The following LPL variants were observed in gnomAD, a reference collection of about 807,000 sequenced individuals.
LPL encodes phospholipase A1.
In LPL, 43 loss-of-function variants were observed where a neutral mutation model predicts 52.2. The ratio of observed to expected loss-of-function variants is 0.82; its 90% CI spans 0.64 to 1.06. The LOEUF is 1.06. LPL is among the 50% of genes least tolerant of loss of function. The pLI is 0.00. For missense variants in LPL, 639 were observed against 585.3 expected, an observed-to-expected ratio of 1.09 and a Z score of -0.95; for synonymous variants, 244 against 215.6, an observed-to-expected ratio of 1.13 and a Z score of -1.15.
rs924246683 is a variant in LPL at position 19,965,640 on chromosome 8, T to C, written c.*330T>C. The C allele has an allele frequency of 3.3e-6, 1 of 306,352 alleles. No individual in the cohort carries two copies. The highest frequency in any genetic ancestry group is 9.6e-4 in the Middle Eastern group (1 of 1,042). 19.0% of individuals were successfully genotyped at this position (306,352 alleles called of 1,614,324 possible). A position where few individuals can be genotyped will look rare whatever the true frequency, so the allele number is the denominator to read the frequency against. ...AAATAAGGCTCCTTCATGTGGCGTA[T>C]TGGGCCATAGCCTATAATTGGTTAG... On this transcript the variant is annotated 3_prime_UTR_variant, in exon 10 of 10. Transcript: ENST00000650287.
intron 6 of LPL, 125 bp downstream of exon 6, chr8:19,956,208 C>T: frequency 7.3e-7 from 1 of 1,376,752 alleles, no homozygotes; most frequent in South Asian, 1.2e-5. Context: ...AACCCTGAGC[C>T]CTGGTGTTTC....
chr8:19,940,393 G>T (rs1276226009), intron 1 of LPL, among the ~76,000 whole-genome samples: 1 of 152,180 alleles, frequency 6.6e-6, no homozygotes, highest in Non-Finnish European at 1.5e-5. Flanking sequence ...CCCGCCGCGC[G>T]GCTGCGAGCA....
chr8:19,953,298 T>C lies in LPL; in HGVS notation c.430-12T>C. On this transcript the variant is annotated splice_polypyrimidine_tract_variant and intron_variant, in intron 3 of 9. Coordinates refer to ENST00000650287, the MANE Select transcript of LPL (RefSeq NM_000237.3). ...GAACTGTAAGCACCTTCATTTTCTTTTTCTTCCAAAGGAGGAGTTTAACTA... is the reference window on the plus strand; with the variant it reads ...GAACTGTAAGCACCTTCATTTTCTTCTTCTTCCAAAGGAGGAGTTTAACTA... 4 of 1,550,412 alleles carry C rather than the reference T, an allele frequency of 2.6e-6. No individual in the cohort carries two copies. In the African/African-American group the frequency reaches 4.1e-5, roughly 16 times the overall value.
At chr8:19,945,475 C>A (rs781209047) in intron 1 of LPL, among the ~76,000 whole-genome samples, 1 of 152,204 alleles carries the variant, frequency 6.6e-6, no homozygotes, top group Non-Finnish European at 1.5e-5. Flanking sequence ...AAATCATTTT[C>A]TTTAAAAGTG....
rs758966315 is a variant in LPL, at chr8:19,959,380, T to G, written c.1139T>G (p.Leu380Arg). The change falls in exon 7 of 10, where the codon CTG becomes CGG. Residue 380 changes from leucine (L) to arginine (R), a missense_variant and splice_region_variant. Transcript: ENST00000650287. Reference protein sequence around the residue: ...VAESENIPFTLPEVSTNKTYS... With the variant: ...VAESENIPFTRPEVSTNKTYS... Reference sequence around the variant, plus strand: ...GAGAGTGAGAACATCCCATTCACTCTGTGAGTAGCACAGGGGGGCGGTCAT... The same window carrying G: ...GAGAGTGAGAACATCCCATTCACTCGGTGAGTAGCACAGGGGGGCGGTCAT... 1 of 1,613,992 alleles carries G rather than the reference T, an allele frequency of 6.2e-7. No individual in the cohort carries two copies. The highest frequency in any genetic ancestry group is 8.5e-7 in the Non-Finnish European group (1 of 1,180,004).
At chr8:19,941,331 C>A (rs2069837190) in intron 1 of LPL, among the ~76,000 whole-genome samples, 1 of 152,166 alleles carries the variant, frequency 6.6e-6, no homozygotes, top group Non-Finnish European at 1.5e-5. Context: ...CATAGAATAA[C>A]GTCATTTTCA....
At chr8:19,954,664 T>C (rs1043266628) in intron 5 of LPL, among the ~76,000 whole-genome samples, 4 of 152,310 alleles carry the variant, frequency 2.6e-5, no homozygotes, top group African/African-American at 7.2e-5. Context: ...TCTGGCCACA[T>C]GTTGTCATAC....
In LPL at chr8:19,943,381, T is replaced by C. The variant is rs905762048; in HGVS notation, c.88+3853T>C. On this transcript the variant is annotated intron_variant, in intron 1 of 9. Coordinates refer to ENST00000650287, the MANE Select transcript of LPL (RefSeq NM_000237.3). ...TCAATAATGTACCTTTGAAAAAAAA[T>C]TGGCTGCAGAATTAATTACGGTGAA... Among the ~76,000 whole-genome samples, 8 of 152,048 alleles carry C rather than the reference T, an allele frequency of 5.3e-5. No homozygotes were observed. In the East Asian group the frequency reaches 1.5e-3, roughly 29 times the overall value.
At chr8:19,957,940 T>A (rs1051778077) in intron 6 of LPL, among the ~76,000 whole-genome samples, 1 of 151,794 alleles carries the variant, frequency 6.6e-6, no homozygotes, top group African/African-American at 2.4e-5. Context: ...AAGAAAAAAA[T>A]CTGACCAAGG....
chr8:19,953,475 T>G, intron 4 of LPL, 54 bp downstream of exon 4: 1 of 1,360,014 alleles, frequency 7.4e-7, no homozygotes, highest in Non-Finnish European at 1.1e-6. Flanking sequence ...ACTGTCATTC[T>G]GAGAGAGAAT....
intron 2 of LPL, among the ~76,000 whole-genome samples, chr8:19,949,001 CTG>C (rs140116605): frequency 0.039 from 5,900 of 151,526 alleles, 382 homozygotes; most frequent in African/African-American, 0.13. Flanking sequence ...AAAAGTGAAA[CTG>C]TGATTAAATT....
chr8:19,957,478 G>A (rs2069996052), intron 6 of LPL, among the ~76,000 whole-genome samples: 1 of 152,150 alleles, frequency 6.6e-6, no homozygotes. Flanking sequence ...TGCGTATGAG[G>A]TAAAGAGAGG....
Position 19,955,880 on chromosome 8 carries a change from T to G in LPL, c.815T>G (p.Ile272Ser). Residue 272 changes from isoleucine to serine, a missense_variant, in exon 6 of 10, where the codon ATT (isoleucine) becomes AGT (serine). Transcript: ENST00000650287. ...QLVKCSHERS[I>S]HLFIDSLLNE... ...GTGAAGTGCTCCCACGAGCGCTCCA[T>G]TCATCTCTTCATCGACTCTCTGTTG... 6.2e-7 allele frequency: 1 copy of G among 1,614,200 alleles called. No individual in the cohort carries two copies. Among genetic ancestry groups the G allele is most frequent in the Non-Finnish European group, 8.5e-7 (1 of 1,180,038 alleles).
chr8:19,962,051 T>G, intron 8 of LPL, 64 bp from the exon 9 acceptor site: 1 of 1,075,652 alleles, frequency 9.3e-7, no homozygotes, highest in East Asian at 2.4e-5. Flanking sequence ...GACAGAACTG[T>G]ACCTTTGTGA....
chr8:19,954,075 A>G (rs1217866176), intron 4 of LPL, 45 bp from the exon 5 acceptor site: 2 of 1,379,098 alleles, frequency 1.5e-6, no homozygotes, highest in Non-Finnish European at 2.1e-6. Flanking sequence ...ATGTCATACG[A>G]ATGGAAATTT....
chr8:19,940,153 T>C (rs1157068582), intron 1 of LPL, among the ~76,000 whole-genome samples: 1 of 151,762 alleles, frequency 6.6e-6, no homozygotes, highest in African/African-American at 2.4e-5. Context: ...TGGCGCGGAG[T>C]CCTGGGGACG....
chr8:19,959,081 T>G (rs1363807185), intron 6 of LPL, among the ~76,000 whole-genome samples, 179 bp from the exon 7 acceptor site: 1 of 152,218 alleles, frequency 6.6e-6, no homozygotes, highest in Non-Finnish European at 1.5e-5. Context: ...GTCTGCATTT[T>G]CTAGGTATGA....
At position 19,951,890 on chromosome 8, in the gene LPL, C is replaced by A; in HGVS notation, c.371C>A (p.Ser124Tyr). ...CGGGCTCAGGAGCATTACCCAGTGT[C>A]CGCGGGCTACACCAAACTGGTGGGA... is the stretch of plus-strand genomic sequence containing the variant. ...LSRAQEHYPV[S>Y]AGYTKLVGQD... The change falls in exon 3 of 10, where the codon TCC becomes TAC. Residue 124 changes from serine (S) to tyrosine (Y), a missense_variant. By Grantham distance (144) the Ser-to-Tyr change is moderately radical (BLOSUM62 -2). Coordinates refer to ENST00000650287, the MANE Select transcript of LPL (RefSeq NM_000237.3). 1 of 1,614,112 alleles carries A rather than the reference C, an allele frequency of 6.2e-7. No individual in the cohort carries two copies. Among genetic ancestry groups the A allele is most frequent in the South Asian group, 1.1e-5 (1 of 91,078 alleles).
At chr8:19,959,000 G>C (rs2070013113) in intron 6 of LPL, among the ~76,000 whole-genome samples, 1 of 152,146 alleles carries the variant, frequency 6.6e-6, no homozygotes, top group Non-Finnish European at 1.5e-5. Flanking sequence ...AATGCTGCTT[G>C]GCAATTCAGA....
Sources: allele counts gnomAD v4.1 joint callset (sites outside exome capture counted in the v4.1 genomes callset), GRCh38; gene constraint gnomAD v4.1.1; transcripts MANE v1.5; gene names NCBI Gene and HGNC (gene_info 2026-07-23, HGNC 2026-07-21).